Variants in WNK3 observed in about 807,000 individuals in gnomAD.
The protein encoded by WNK3 is WNK lysine deficient protein kinase 3.
WNK3 carries 18 observed loss-of-function variants against 116.7 expected under a neutral mutation model. The observed-to-expected ratio is 0.15, with a 90% CI of 0.11 to 0.23. WNK3 has a LOEUF of 0.23. Ranked by LOEUF, WNK3 falls within the 10% of genes least tolerant of loss-of-function variation. WNK3 has a pLI of 1.00. For missense variants in WNK3, 993 were observed against 1,323.8 expected, an observed-to-expected ratio of 0.75 and a Z score of 3.88; for synonymous variants, 404 against 469.4, an observed-to-expected ratio of 0.86 and a Z score of 1.80.
At chrX:54,212,112 G>C (rs1296134772) in intron 22 of WNK3, among the ~76,000 whole-genome samples, 1 of 111,084 alleles carries the variant, frequency 9.0e-6, no homozygotes, top group Admixed American at 9.6e-5. Context: ...TGTAGTCCCA[G>C]CTACTCGGGA....
intron 18 of WNK3, among the ~76,000 whole-genome samples, 167 bp from the exon 19 acceptor site, chrX:54,238,639 T>G (rs781982542): frequency 1.8e-5 from 2 of 112,226 alleles, no homozygotes; most frequent in African/African-American, 6.5e-5. Flanking sequence ...TAAGTCTAAA[T>G]CAGACATTGC....
intron 10 of WNK3, among the ~76,000 whole-genome samples, chrX:54,272,524 A>AATAATAATAAT (rs1282914682): frequency 8.9e-6 from 1 of 111,983 alleles, no homozygotes; most frequent in Non-Finnish European, 1.9e-5. Flanking sequence ...CTAGTCTCAG[A>AATAATAATAAT]AACTGGTTAC....
chrX:54,302,576 C>T (rs2068769274), intron 5 of WNK3, among the ~76,000 whole-genome samples: 1 of 110,064 alleles, frequency 9.1e-6, no homozygotes, highest in Non-Finnish European at 1.9e-5. Context: ...GCTGGGATTA[C>T]AGGCGTAAGC....
intron 13 of WNK3, among the ~76,000 whole-genome samples, chrX:54,253,571 AT>A (rs2068159241): frequency 8.9e-6 from 1 of 111,737 alleles, no homozygotes; most frequent in African/African-American, 3.3e-5. Context: ...CCAGCAAAAA[AT>A]AAACTAAAAA....
At chrX:54,295,941 G>A (rs1424571012) in intron 7 of WNK3, among the ~76,000 whole-genome samples, 1 of 110,979 alleles carries the variant, frequency 9.0e-6, no homozygotes, top group Non-Finnish European at 1.9e-5. Context: ...CTCTCACCTC[G>A]GTCTCCCCAA....
At chrX:54,354,631 C>T (rs1352124948) in intron 1 of WNK3, among the ~76,000 whole-genome samples, 2 of 110,908 alleles carry the variant, frequency 1.8e-5, no homozygotes, top group East Asian at 2.8e-4. Flanking sequence ...CACCATGGCA[C>T]GCGTTTATCT....
intron 2 of WNK3, among the ~76,000 whole-genome samples, chrX:54,323,824 C>T (rs931768044): frequency 4.5e-5 from 5 of 111,433 alleles, no homozygotes; most frequent in Non-Finnish European, 7.5e-5. Flanking sequence ...CCATTATGTC[C>T]CTAGCACTTG....
At chrX:54,347,233 C>A (rs182673462) in intron 1 of WNK3, among the ~76,000 whole-genome samples, 2 of 112,511 alleles carry the variant, frequency 1.8e-5, no homozygotes, top group African/African-American at 6.4e-5. Flanking sequence ...CGCCTATAAT[C>A]CCACCACTTT....
rs192343815 is a variant in WNK3 at position 54,317,246 on chromosome X, G to A, written c.538-5955C>T. On this transcript the variant is annotated intron_variant, in intron 2 of 23. Coordinates refer to ENST00000354646, the Ensembl canonical transcript of WNK3. ...ACAATCTCGGCTCACTGCAACCTCC[G>A]CCTGCCGGGTTCAAGCAATTCTCCT... 6.0e-3 allele frequency among the ~76,000 whole-genome samples: 643 copies of A among 106,697 alleles called. 2 individuals are homozygous for A. Among genetic ancestry groups the A allele is most frequent in the Non-Finnish European group, 9.6e-3 (501 of 52,060 alleles). The allele number at this position is 106,697 out of a possible 115,157, so 92.7% of individuals were successfully genotyped here. A position where few individuals can be genotyped will look rare whatever the true frequency, so the allele number is the denominator to read the frequency against.
intron 22 of WNK3, among the ~76,000 whole-genome samples, chrX:54,222,941 A>T (rs4047316): frequency 0.13 from 10,717 of 83,588 alleles, 1,555 homozygotes; most frequent in African/African-American, 0.48. Context: ...TATATATATA[A>T]AAAAAGACAC....
chrX:54,217,783 G>T (rs1557145714), intron 22 of WNK3, among the ~76,000 whole-genome samples: 2 of 111,577 alleles, frequency 1.8e-5, no homozygotes, highest in African/African-American at 3.3e-5. Flanking sequence ...AGAAAATCCA[G>T]CAGGGAATTC....
Position 54,293,054 on chromosome X carries a change from A to G in WNK3, c.1888-17T>C, listed in dbSNP as rs782122327. The G allele has an allele frequency of 1.7e-6, 2 of 1,198,184 alleles. No individual in the cohort carries two copies. The highest frequency in any genetic ancestry group is 2.2e-6 in the Non-Finnish European group (2 of 890,024). On this transcript the variant is annotated splice_polypyrimidine_tract_variant and intron_variant, in intron 9 of 23. Coordinates refer to ENST00000354646, the Ensembl canonical transcript of WNK3. ...CTTCTGTAACTGTTAAAATAAGGGG[A>G]AAAAAAGATTAAAGATAAACTTTCC...
chrX:54,255,908 G>GT (rs2068187804), intron 11 of WNK3, 21 bp from the exon 12 acceptor site: 1 of 1,176,978 alleles, frequency 8.5e-7, no homozygotes, highest in Non-Finnish European at 1.1e-6. Flanking sequence ...TTTTAAAAAA[G>GT]TAACTCATTC....
intron 10 of WNK3, among the ~76,000 whole-genome samples, chrX:54,273,495 T>C (rs940223452): frequency 1.6e-4 from 18 of 111,682 alleles, no homozygotes; most frequent in African/African-American, 5.9e-4. Flanking sequence ...TGAGCCAAGA[T>C]TGTGCCACTG....
rs2068233423 is a variant in WNK3 at position 54,259,425 on chromosome X, T to C, written c.2038-87A>G. ...ATTTGTTACTATTCAGAAAACACGA[T>C]AGTTTTGGTTACCTTGCAAACCTGG... On this transcript the variant is annotated intron_variant, in intron 10 of 23. Coordinates refer to ENST00000354646, the Ensembl canonical transcript of WNK3. The C allele has an allele frequency of 9.9e-6, 5 of 505,965 alleles. 1 individual carries two copies. Among genetic ancestry groups the C allele is most frequent in the Middle Eastern group, 4.9e-4 (1 of 2,058 alleles). The allele number at this position is 505,965 out of a possible 1,213,427, so 41.7% of individuals were successfully genotyped here.
chrX:54,345,790 A>ACAAAAC (rs1557177462), intron 1 of WNK3, among the ~76,000 whole-genome samples: 1 of 108,090 alleles, frequency 9.3e-6, no homozygotes, highest in Non-Finnish European at 1.9e-5. Flanking sequence ...AGTATCAAAA[A>ACAAAAC]AAAAAAAAAA....
At chrX:54,196,507 G>A (rs782620095) in exon 24 of WNK3, 51 of 106,125 alleles carry the variant, frequency 4.8e-4, no homozygotes, top group African/African-American at 1.7e-3. Context: ...TACCTGGCAA[G>A]CCCATGGGGT....
chrX:54,208,483 T>C (rs1227457569), intron 22 of WNK3, among the ~76,000 whole-genome samples: 4 of 111,099 alleles, frequency 3.6e-5, no homozygotes, highest in Non-Finnish European at 7.5e-5. Flanking sequence ...CAAGCAATCC[T>C]CCCACCTCAG....
chrX:54,304,825 A>G (rs1205276697), intron 5 of WNK3, among the ~76,000 whole-genome samples: 2 of 111,293 alleles, frequency 1.8e-5, no homozygotes, highest in Non-Finnish European at 3.8e-5. Context: ...AAAGTTTACA[A>G]TTAAATAAAT....
Sources: allele counts gnomAD v4.1 joint callset (sites outside exome capture counted in the v4.1 genomes callset), GRCh38; gene constraint gnomAD v4.1.1; transcripts MANE v1.5; gene names NCBI Gene and HGNC (gene_info 2026-07-23, HGNC 2026-07-21).